Variants in NEK11 observed in about 807,000 individuals in gnomAD.
NEK11 encodes the protein serine/threonine-protein kinase Nek11.
Under a neutral mutation model 80.7 loss-of-function variants are expected in NEK11, and 72 were observed. The ratio of observed to expected loss-of-function variants is 0.89; its 90% CI spans 0.74 to 1.08. NEK11 has a LOEUF of 1.08. Ranked by LOEUF, NEK11 falls within the 50% of genes least tolerant of loss-of-function variation. The pLI is 0.00. For synonymous variants in NEK11, 251 were observed against 260.7 expected, an observed-to-expected ratio of 0.96 and a Z score of 0.36; for missense variants, 764 against 763.6, an observed-to-expected ratio of 1.00 and a Z score of -0.01.
chr3:131,153,866 C>G (rs763372174), intron 9 of NEK11, among the ~76,000 whole-genome samples: 2 of 152,040 alleles, frequency 1.3e-5, no homozygotes, highest in Non-Finnish European at 2.9e-5. Flanking sequence ...GTATAATAAA[C>G]AAACAGGATA....
chr3:131,065,354 T>C (rs1282124436), intron 3 of NEK11, among the ~76,000 whole-genome samples: 3 of 152,252 alleles, frequency 2.0e-5, no homozygotes, highest in Admixed American at 1.3e-4. Context: ...ATTAGCTCTG[T>C]CCATCTCCTT....
At chr3:131,240,624 A>T (rs1329066724) in intron 15 of NEK11, among the ~76,000 whole-genome samples, 1 of 152,156 alleles carries the variant, frequency 6.6e-6, no homozygotes, top group African/African-American at 2.4e-5. Context: ...CGATGTCATC[A>T]TATTTGGCTT....
chr3:131,341,550 C>A (rs1332584195), intron 17 of NEK11, among the ~76,000 whole-genome samples: 2 of 152,136 alleles, frequency 1.3e-5, no homozygotes, highest in African/African-American at 4.8e-5. Flanking sequence ...CAGATATTTT[C>A]TATCATTACT....
intron 4 of NEK11, chr3:131,088,166 ATCCTGTG>A (rs1185262139): frequency 1.3e-5 from 2 of 152,222 alleles, no homozygotes; most frequent in African/African-American, 4.8e-5. Flanking sequence ...CCCTGAATTT[ATCCTGTG>A]TCAATTCTAT....
chr3:131,246,483 T>C (rs2095604995), intron 16 of NEK11, among the ~76,000 whole-genome samples: 1 of 152,168 alleles, frequency 6.6e-6, no homozygotes, highest in African/African-American at 2.4e-5. Flanking sequence ...ACCACATGTG[T>C]ATGTGTATCA....
At chr3:131,119,006 C>T (rs1302920743) in intron 5 of NEK11, among the ~76,000 whole-genome samples, 2 of 152,108 alleles carry the variant, frequency 1.3e-5, no homozygotes, top group Non-Finnish European at 2.9e-5. Context: ...TTCCTGCCTT[C>T]TGCTAGCTTT....
intron 14 of NEK11, among the ~76,000 whole-genome samples, chr3:131,217,596 A>T (rs140834101): frequency 1.3e-5 from 2 of 152,306 alleles, no homozygotes; most frequent in East Asian, 1.9e-4. Flanking sequence ...TGGTACATTT[A>T]TGCTAAGTTT....
intron 17 of NEK11, among the ~76,000 whole-genome samples, chr3:131,296,152 TC>T (rs2096590985): frequency 6.6e-6 from 1 of 152,160 alleles, no homozygotes; most frequent in Non-Finnish European, 1.5e-5. Context: ...AAGTCTGCTT[TC>T]AAACAACATT....
intron 17 of NEK11, 43 bp downstream of exon 17, chr3:131,273,617 AAGCATATTG>A (rs1198083347): frequency 7.0e-7 from 1 of 1,425,574 alleles, no homozygotes; most frequent in African/African-American, 1.4e-5. Flanking sequence ...TGCAGTGTTA[AAGCATATTG>A]ACCAAGTGTG....
Position 131,214,867 on chromosome 3 carries a change from A to G in NEK11, c.1400-13661A>G, listed in dbSNP as rs371281049. The stretch of plus-strand genomic sequence containing the variant: ...TTTAGCCCTCCAGAAAGGGTCATGA[A>G]TATGCATTTTGTCTAAGAAAATTAT... On this transcript the variant is annotated intron_variant, in intron 14 of 17. Transcript: ENST00000383366. Among the ~76,000 whole-genome samples the G allele has an allele frequency of 3.3e-5, 5 of 152,284 alleles. No homozygotes were observed. In the East Asian group the frequency reaches 5.8e-4, roughly 18 times the overall value.
At chr3:131,198,760 G>A (rs529107074) in intron 14 of NEK11, among the ~76,000 whole-genome samples, 37 of 152,302 alleles carry the variant, frequency 2.4e-4, no homozygotes, top group African/African-American at 7.7e-4. Flanking sequence ...CAAGCTTAAC[G>A]CTGGGGCTTG....
intron 3 of NEK11, among the ~76,000 whole-genome samples, chr3:131,052,239 G>A (rs1423373544): frequency 2.7e-5 from 4 of 148,696 alleles, no homozygotes; most frequent in Admixed American, 6.8e-5. Context: ...CAGCTCAATA[G>A]CATGTTCCAT....
chr3:131,179,590 A>G, intron 14 of NEK11, among the ~76,000 whole-genome samples: 1 of 152,346 alleles, frequency 6.6e-6, no homozygotes, highest in Non-Finnish European at 1.5e-5. Flanking sequence ...ACAATGTATT[A>G]TAAATAGAAA....
chr3:131,082,629 G>A (rs564313371), intron 4 of NEK11, among the ~76,000 whole-genome samples: 1 of 152,104 alleles, frequency 6.6e-6, no homozygotes, highest in Non-Finnish European at 1.5e-5. Context: ...AACCATATGT[G>A]GCTCCTCGCT....
At chr3:131,062,775 C>T (rs1261992244) in intron 3 of NEK11, among the ~76,000 whole-genome samples, 1 of 152,174 alleles carries the variant, frequency 6.6e-6, no homozygotes, top group African/African-American at 2.4e-5. Context: ...AGATGTGACT[C>T]CACAGCTCTG....
Position 131,197,286 on chromosome 3 carries a change from G to C in NEK11, c.1399+26399G>C, listed in dbSNP as rs553097993. The stretch of plus-strand genomic sequence containing the variant: ...GCTTCCTGCTGAATTGGGGCGTAGT[G>C]GGGGTTATGCAGTTGAGATTTCCTC... On this transcript the variant is annotated intron_variant, in intron 14 of 17. Coordinates refer to ENST00000383366, the MANE Select transcript of NEK11 (RefSeq NM_024800.5). Among the ~76,000 whole-genome samples the C allele has an allele frequency of 2.6e-5, 4 of 152,234 alleles. No homozygotes were observed. In the East Asian group the frequency reaches 7.7e-4, roughly 29 times the overall value.
intron 17 of NEK11, among the ~76,000 whole-genome samples, chr3:131,290,301 A>G (rs1479372356): frequency 6.6e-6 from 1 of 152,216 alleles, no homozygotes; most frequent in Non-Finnish European, 1.5e-5. Context: ...CACCAGTGTC[A>G]GGTCAAAAAT....
chr3:131,336,892 A>C (rs1275915578), intron 17 of NEK11, among the ~76,000 whole-genome samples: 3 of 152,210 alleles, frequency 2.0e-5, no homozygotes, highest in Non-Finnish European at 4.4e-5. Context: ...CATCAGAGAA[A>C]TGCAAATCAA....
chr3:131,235,818 G>T (rs2095421689), intron 15 of NEK11, among the ~76,000 whole-genome samples: 1 of 152,084 alleles, frequency 6.6e-6, no homozygotes, highest in Admixed American at 6.6e-5. Context: ...ACAGAGCTGG[G>T]GTTTAAACCA....
Sources: gnomAD v4.1 joint callset for allele counts (sites outside exome capture counted in the v4.1 genomes callset) on GRCh38, gnomAD v4.1.1 for gene constraint, MANE v1.5 for transcripts, NCBI Gene and HGNC (gene_info 2026-07-23, HGNC 2026-07-21) for gene names.